Variants in XRN2 observed in about 807,000 individuals in gnomAD.
The protein encoded by XRN2 is DHM1-like protein.
XRN2 carries 44 observed loss-of-function variants against 138.5 expected under a neutral mutation model. The ratio of observed to expected loss-of-function variants is 0.32; its 90% CI spans 0.25 to 0.41. The LOEUF (loss-of-function observed/expected upper bound fraction) is 0.41. XRN2 is among the 10% of genes least tolerant of loss of function. XRN2 has a pLI of 1.00. For synonymous variants in XRN2, 354 were observed against 369.4 expected (o/e 0.96, Z 0.48); for missense variants, 937 against 1,169.3 (o/e 0.80, Z 2.90).
chr20:21,317,871 C>T (rs2037981829), intron 1 of XRN2, among the ~76,000 whole-genome samples: 1 of 152,278 alleles, frequency 6.6e-6, no homozygotes, highest in East Asian at 1.9e-4. Flanking sequence ...AGGATTTTTG[C>T]ATCCATGCTC....
intron 26 of XRN2, among the ~76,000 whole-genome samples, chr20:21,367,546 C>T (rs1318836661): frequency 6.6e-6 from 1 of 150,784 alleles, no homozygotes; most frequent in Non-Finnish European, 1.5e-5. Flanking sequence ...ACTTAATATA[C>T]TTGTGAACTT....
chr20:21,355,648 AT>A (rs1057295390), intron 21 of XRN2, among the ~76,000 whole-genome samples: 9 of 151,808 alleles, frequency 5.9e-5, no homozygotes, highest in Non-Finnish European at 1.2e-4. Context: ...TTGTTAAAAT[AT>A]TTTTTTCCCC....
rs770788743 is a variant in XRN2 at position 21,346,508 on chromosome 20, G to A, written c.1623G>A (p.Ser541=). 3.1e-5 allele frequency: 50 copies of A among 1,614,002 alleles called. No homozygotes were observed. Among genetic ancestry groups the A allele is most frequent in the Non-Finnish European group, 3.8e-5 (45 of 1,179,974 alleles). The change falls in exon 17 of 30, where the codon TCG becomes TCA. Residue 541 remains serine (S), a synonymous_variant. Transcript: ENST00000377191. ...DEKFRRKVVQ[S]YVEGLCWVLR... ...AATTCCGTCGGAAAGTTGTGCAGTCGTACGTTGAAGGACTTTGCTGGGTTC... is the reference window on the plus strand; with the variant it reads ...AATTCCGTCGGAAAGTTGTGCAGTCATACGTTGAAGGACTTTGCTGGGTTC...
intron 1 of XRN2, among the ~76,000 whole-genome samples, chr20:21,322,155 A>G (rs2038055088): frequency 6.6e-6 from 1 of 152,180 alleles, no homozygotes; most frequent in Admixed American, 6.5e-5. Flanking sequence ...AGAATGGAAT[A>G]ATCCATGAGT....
intron 3 of XRN2, among the ~76,000 whole-genome samples, chr20:21,328,231 C>G (rs746559412): frequency 6.6e-6 from 1 of 152,134 alleles, no homozygotes; most frequent in Non-Finnish European, 1.5e-5. Context: ...AGTGAGCTTT[C>G]TTTCTTGGGT....
At chr20:21,371,168 A>G (rs1311947144) in intron 27 of XRN2, among the ~76,000 whole-genome samples, 1 of 152,216 alleles carries the variant, frequency 6.6e-6, no homozygotes, top group African/African-American at 2.4e-5. Context: ...ATTGATGGGA[A>G]ATATTTGTAC....
intron 26 of XRN2, 59 bp downstream of exon 26, chr20:21,365,763 C>G (rs2038685777): frequency 1.0e-5 from 15 of 1,480,892 alleles, no homozygotes; most frequent in African/African-American, 1.5e-5. Flanking sequence ...TCCCATAAAA[C>G]AAGTCAGTAT....
At chr20:21,321,835 G>C (rs772323966) in intron 1 of XRN2, among the ~76,000 whole-genome samples, 2 of 152,162 alleles carry the variant, frequency 1.3e-5, no homozygotes, top group Non-Finnish European at 2.9e-5. Flanking sequence ...TCTTCATGCT[G>C]TCATGTTAGA....
At chr20:21,332,614 C>G (rs2038228367) in intron 9 of XRN2, among the ~76,000 whole-genome samples, 174 bp downstream of exon 9, 1 of 151,888 alleles carries the variant, frequency 6.6e-6, no homozygotes, top group African/African-American at 2.4e-5. Context: ...TTGATTAGTT[C>G]TTTATGTGCT....
intron 27 of XRN2, among the ~76,000 whole-genome samples, chr20:21,373,251 G>T (rs1371691717): frequency 6.6e-6 from 1 of 152,136 alleles, no homozygotes. Flanking sequence ...CTCGTGATCT[G>T]CCCGCCTCGT....
chr20:21,373,849 G>C (rs1373104837), intron 27 of XRN2, among the ~76,000 whole-genome samples: 1 of 151,988 alleles, frequency 6.6e-6, no homozygotes, highest in Non-Finnish European at 1.5e-5. Flanking sequence ...TTTTGTAGGC[G>C]TTCTTATATT....
chr20:21,355,823 T>C (rs1430318434), intron 21 of XRN2, among the ~76,000 whole-genome samples: 1 of 152,184 alleles, frequency 6.6e-6, no homozygotes, highest in Non-Finnish European at 1.5e-5. Flanking sequence ...ACCTCACATT[T>C]ATCTTTTCTT....
rs1055069512 is a variant in XRN2 at position 21,306,032 on chromosome 20, C to T, written c.75+2559C>T. 2.7e-4 allele frequency among the ~76,000 whole-genome samples: 20 copies of T among 75,334 alleles called. 9 individuals are homozygous for T. The South Asian group carries it at 9.0e-3, about 34-fold the overall frequency. 49.4% of individuals were successfully genotyped at this position (75,334 alleles called of 152,430 possible). On this transcript the variant is annotated intron_variant, in intron 1 of 29. Transcript: ENST00000377191. ...CCTTATTCTTAATTCTTAAGAAATG[C>T]TGTGTGGGATGTGAGATTTCCGAGT...
At chr20:21,316,204 A>G (rs755779385) in intron 1 of XRN2, among the ~76,000 whole-genome samples, 1 of 152,250 alleles carries the variant, frequency 6.6e-6, no homozygotes, top group Non-Finnish European at 1.5e-5. Flanking sequence ...CAGTGAGCCA[A>G]GATTGTGCCA....
intron 13 of XRN2, among the ~76,000 whole-genome samples, chr20:21,338,228 C>G (rs918825195): frequency 6.6e-6 from 1 of 152,164 alleles, no homozygotes; most frequent in Non-Finnish European, 1.5e-5. Flanking sequence ...CTATGGCCAC[C>G]CTAGCTGTCA....
At chr20:21,366,269 C>G (rs568675592) in intron 26 of XRN2, among the ~76,000 whole-genome samples, 1 of 139,114 alleles carries the variant, frequency 7.2e-6, no homozygotes, top group Non-Finnish European at 1.5e-5. Context: ...GGGTTTGGGC[C>G]GGGCACGGTG....
At chr20:21,389,225 C>A (rs1254601887) in intron 29 of XRN2, 48 bp from the exon 30 acceptor site, 12 of 1,535,270 alleles carry the variant, frequency 7.8e-6, no homozygotes, top group Admixed American at 3.5e-5. Flanking sequence ...AACTGACTTG[C>A]AGGAGTATCG....
rs576551765 is a variant in XRN2, at chr20:21,320,056, T to G, written c.76-6223T>G. Among the ~76,000 whole-genome samples the G allele has an allele frequency of 3.9e-5, 6 of 152,272 alleles. No individual in the cohort carries two copies. In the South Asian group the frequency reaches 1.2e-3, roughly 32 times the overall value. On this transcript the variant is annotated intron_variant, in intron 1 of 29. Coordinates refer to ENST00000377191, the MANE Select transcript of XRN2 (RefSeq NM_012255.5). ...GTAAACTTTTTGTAACTTTATAGCT[T>G]GAAGAACTTCGTTTAGTAGTTTTTG...
At chr20:21,385,942 C>A (rs1338416898) in intron 28 of XRN2, among the ~76,000 whole-genome samples, 1 of 152,174 alleles carries the variant, frequency 6.6e-6, no homozygotes, top group East Asian at 1.9e-4. Context: ...GAGCATTTGC[C>A]TCTGTTTATT....
Sources: gnomAD v4.1 joint callset for allele counts (sites outside exome capture counted in the v4.1 genomes callset) on GRCh38, gnomAD v4.1.1 for gene constraint, MANE v1.5 for transcripts, NCBI Gene and HGNC (gene_info 2026-07-23, HGNC 2026-07-21) for gene names.